Variants in ELP1 observed in about 807,000 individuals in gnomAD.
The protein encoded by ELP1 is elongator acetyltransferase complex subunit 1.
Under a neutral mutation model 183.2 loss-of-function variants are expected in ELP1, and 131 were observed. That is an observed-to-expected ratio of 0.72 (90% CI 0.62 to 0.83). ELP1 has a LOEUF of 0.83. Among genes scored for constraint, ELP1 ranks in the 40% least tolerant of loss-of-function variants. The pLI is 0.00. For missense variants in ELP1, 1,550 were observed against 1,594.9 expected, an observed-to-expected ratio of 0.97 and a Z score of 0.48; for synonymous variants, 555 against 569.0, an observed-to-expected ratio of 0.98 and a Z score of 0.35.
chr9:108,892,418 T>C (rs1828375644), intron 27 of ELP1, among the ~76,000 whole-genome samples: 1 of 152,144 alleles, frequency 6.6e-6, no homozygotes, highest in Non-Finnish European at 1.5e-5. Flanking sequence ...GAGGACAAAC[T>C]GAAAATGGTG....
At chr9:108,921,530 C>T (rs1829646275) in intron 6 of ELP1, among the ~76,000 whole-genome samples, 1 of 150,862 alleles carries the variant, frequency 6.6e-6, no homozygotes, top group African/African-American at 2.4e-5. Flanking sequence ...CAAATTGCAC[C>T]AACTATTTAC....
rs998227927 is a variant in ELP1 at position 108,882,042 on chromosome 9, C to T, written c.3285+83G>A. The T allele has an allele frequency of 2.6e-6, 3 of 1,140,650 alleles. No individual in the cohort carries two copies. In the Admixed American group the frequency reaches 5.1e-5, roughly 19 times the overall value. 70.7% of individuals were successfully genotyped at this position (1,140,650 alleles called of 1,614,324 possible). On this transcript the variant is annotated intron_variant, in intron 30 of 36. Coordinates refer to ENST00000374647, the MANE Select transcript of ELP1 (RefSeq NM_003640.5). ...TACTTATTTCATGAACCTCAGAAGA[C>T]AAGAGATTCCAACTGACCTGGAATC...
At chr9:108,914,608 G>A (rs1829362766) in intron 10 of ELP1, among the ~76,000 whole-genome samples, 1 of 152,058 alleles carries the variant, frequency 6.6e-6, no homozygotes, top group Non-Finnish European at 1.5e-5. Context: ...AAATGATGCA[G>A]ATGTATCACA....
intron 22 of ELP1, among the ~76,000 whole-genome samples, chr9:108,898,301 T>A (rs891047949): frequency 6.6e-6 from 1 of 152,216 alleles, no homozygotes; most frequent in Admixed American, 6.5e-5. Flanking sequence ...CTGAATGACA[T>A]GTTTTAAGGA....
At position 108,896,657 on chromosome 9, in the gene ELP1, A is replaced by G. The variant is rs771396300; in HGVS notation, c.2588-13T>C. 1.9e-5 allele frequency: 30 copies of G among 1,613,388 alleles called. No homozygotes were observed. Among genetic ancestry groups the G allele is most frequent in the Non-Finnish European group, 2.4e-5 (28 of 1,179,312 alleles). On this transcript the variant is annotated splice_polypyrimidine_tract_variant and intron_variant, in intron 24 of 36. Transcript: ENST00000374647. ...GAGGGAGCATTTCCTAACAGTGTTT[A>G]GAAAACAAAACAGAACACAATCATT...
intron 28 of ELP1, 95 bp downstream of exon 28, chr9:108,891,108 T>C (rs1431899194): frequency 8.7e-7 from 1 of 1,145,744 alleles, no homozygotes; most frequent in Non-Finnish European, 1.3e-6. Flanking sequence ...TGTCTCAGAG[T>C]ATTCTGCCCT....
chr9:108,917,811 A>G, intron 8 of ELP1, 141 bp from the exon 9 acceptor site: 1 of 963,086 alleles, frequency 1.0e-6, no homozygotes, highest in East Asian at 2.5e-5. Flanking sequence ...GGAAGTTTTA[A>G]ATCCCATGTG....
chr9:108,874,992 T>A (rs1314852298), intron 35 of ELP1, 22 bp from the exon 36 acceptor site: 1 of 1,519,462 alleles, frequency 6.6e-7, no homozygotes, highest in Non-Finnish European at 9.1e-7. Context: ...ATAGACTGTA[T>A]CAGCAAAGAT....
intron 12 of ELP1, 90 bp downstream of exon 12, chr9:108,910,920 A>G (rs1231051559): frequency 2.7e-6 from 3 of 1,113,430 alleles, no homozygotes; most frequent in Non-Finnish European, 4.1e-6. Flanking sequence ...GAAACACTAG[A>G]CCTATGGCAA....
At position 108,914,130 on chromosome 9, in the gene ELP1, G is replaced by A. The variant is rs538890573; in HGVS notation, c.959-1636C>T. Among the ~76,000 whole-genome samples, 4 of 152,160 alleles carry A rather than the reference G, an allele frequency of 2.6e-5. No homozygotes were observed. In the South Asian group the frequency reaches 6.2e-4, roughly 24 times the overall value. ...AAAGGGTTCTACTGAGGCCGGGCAC[G>A]GTGGCTCACGCCTGTAATCCCAGCA... On this transcript the variant is annotated intron_variant, in intron 10 of 36. Coordinates refer to ENST00000374647, the MANE Select transcript of ELP1 (RefSeq NM_003640.5).
chr9:108,881,427 T>C (rs1235999459), intron 31 of ELP1, among the ~76,000 whole-genome samples: 1 of 152,202 alleles, frequency 6.6e-6, no homozygotes, highest in Non-Finnish European at 1.5e-5. Flanking sequence ...TATATTATTA[T>C]CTAATATAGT....
At chr9:108,919,632 T>C (rs926182203) in intron 6 of ELP1, among the ~76,000 whole-genome samples, 3 of 150,274 alleles carry the variant, frequency 2.0e-5, no homozygotes, top group African/African-American at 7.3e-5. Context: ...ATCTAGATCC[T>C]GAATATAATG....
chr9:108,905,898 CATAT>C (rs34842282), intron 14 of ELP1, among the ~76,000 whole-genome samples: 1 of 120,536 alleles, frequency 8.3e-6, no homozygotes, highest in African/African-American at 3.4e-5. Context: ...CACACACACA[CATAT>C]ATGCGCATGA....
chr9:108,925,548 C>A (rs1422514955), intron 5 of ELP1, among the ~76,000 whole-genome samples: 3 of 152,140 alleles, frequency 2.0e-5, no homozygotes, highest in Non-Finnish European at 4.4e-5. Context: ...TGACTACTCC[C>A]CACCCTTATC....
At chr9:108,896,205 C>T (rs909034031) in intron 25 of ELP1, among the ~76,000 whole-genome samples, 6 of 152,000 alleles carry the variant, frequency 3.9e-5, no homozygotes, top group Admixed American at 6.6e-5. Context: ...TGCAGTAAGC[C>T]GAGATCGCAC....
chr9:108,892,926 T>C, intron 27 of ELP1, 60 bp downstream of exon 27: 2 of 1,146,970 alleles, frequency 1.7e-6, no homozygotes, highest in South Asian at 2.4e-5. Context: ...GGATCCTCAC[T>C]CCTTTCCTAC....
At chr9:108,894,645 G>T (rs1300193173) in intron 25 of ELP1, among the ~76,000 whole-genome samples, 1 of 152,162 alleles carries the variant, frequency 6.6e-6, no homozygotes. Flanking sequence ...AGGGAAATAA[G>T]GTTTCAGTCT....
intron 6 of ELP1, among the ~76,000 whole-genome samples, chr9:108,919,598 A>G (rs1829571130): frequency 6.6e-6 from 1 of 152,044 alleles, no homozygotes; most frequent in Non-Finnish European, 1.5e-5. Context: ...CTCTGAGAAC[A>G]GCAAAAGAGG....
chr9:108,913,746 A>G (rs1393183700), intron 10 of ELP1, among the ~76,000 whole-genome samples: 1 of 152,084 alleles, frequency 6.6e-6, no homozygotes, highest in African/African-American at 2.4e-5. Flanking sequence ...CTCCCAGTTC[A>G]AGCGATTCCC....
Sources: gnomAD v4.1 joint callset for allele counts (sites outside exome capture counted in the v4.1 genomes callset) on GRCh38, gnomAD v4.1.1 for gene constraint, MANE v1.5 for transcripts, NCBI Gene and HGNC (gene_info 2026-07-23, HGNC 2026-07-21) for gene names.